Variants in PSMD10 observed in about 807,000 individuals in gnomAD.
PSMD10 encodes proteasome 26S subunit, non-ATPase 10, also known as 26S proteasome non-ATPase regulatory subunit 10.
Under a neutral mutation model 13.2 loss-of-function variants are expected in PSMD10, and 2 were observed. The ratio of observed to expected loss-of-function variants is 0.15; its 90% CI spans 0.06 to 0.48. The LOEUF (loss-of-function observed/expected upper bound fraction) is 0.48. Among genes scored for constraint, PSMD10 ranks in the 20% least tolerant of loss-of-function variants. The pLI is 0.97. For missense variants in PSMD10, 120 were observed against 167.4 expected, an observed-to-expected ratio of 0.72 and a Z score of 1.56; for synonymous variants, 66 against 64.4, an observed-to-expected ratio of 1.03 and a Z score of -0.12.
chrX:108,085,928 G>A (rs765800171), intron 4 of PSMD10, among the ~76,000 whole-genome samples: 3 of 111,487 alleles, frequency 2.7e-5, no homozygotes, highest in South Asian at 3.8e-4. Flanking sequence ...TCCTATGTTC[G>A]TCCCAGTACT....
At chrX:108,087,072 C>T (rs1381360959) in intron 4 of PSMD10, 1 of 111,520 alleles carries the variant, frequency 9.0e-6, no homozygotes, top group East Asian at 2.8e-4. Context: ...ACTACAGGTG[C>T]ATGCCACCAT....
intron 4 of PSMD10, among the ~76,000 whole-genome samples, chrX:108,085,732 A>G (rs1397818460): frequency 8.9e-6 from 1 of 111,969 alleles, no homozygotes; most frequent in Admixed American, 9.5e-5. Context: ...GGCACTTTAC[A>G]TGTTGCTTTA....
At position 108,084,994 on chromosome X, in the gene PSMD10, TG is replaced by T. The variant is rs1256742852; in HGVS notation, c.660del (p.Lys221ArgfsTer37). 1 of 1,202,896 alleles carries T rather than the reference TG, an allele frequency of 8.3e-7. No individual in the cohort carries two copies. Among genetic ancestry groups the T allele is most frequent in the African/African-American group, 1.8e-5 (1 of 56,823 alleles). On this transcript the variant is annotated frameshift_variant, in exon 5 of 5. Coordinates refer to ENST00000217958, the MANE Select transcript of PSMD10 (RefSeq NM_002814.4). LOFTEE classifies it high-confidence loss of function. ...GCTGTTTAACCTTCCACCATTCTCT[TG>T]AGTATTAAACCCAGGCCACCTTTGG... ...QVAKGGLGLI[L>X]KRMVEG
In PSMD10 at chrX:108,088,114, G is replaced by T; in HGVS notation, c.214-15C>A. Reference sequence around the variant, plus strand: ...GACCAACCTGCCTATAAAAGAAGTAGGTAGTAGAAATACCAGGGGAAAAAG... The same window carrying T: ...GACCAACCTGCCTATAAAAGAAGTATGTAGTAGAAATACCAGGGGAAAAAG... On this transcript the variant is annotated splice_polypyrimidine_tract_variant and intron_variant, in intron 2 of 4. Coordinates refer to ENST00000217958, the MANE Select transcript of PSMD10 (RefSeq NM_002814.4). 1 of 1,185,754 alleles carries T rather than the reference G, an allele frequency of 8.4e-7. No homozygotes were observed.
chrX:108,091,526 T>C lies in PSMD10; in HGVS notation c.-6A>G, dbSNP rs377152386. On this transcript the variant is annotated 5_prime_UTR_variant, in exon 1 of 5. Transcript: ENST00000217958. ...TTAGACACACACCCCTCCATTTCGC[T>C]GTCCCAGCAACTACTTGTCGCGCGA... 5.0e-6 allele frequency: 6 copies of C among 1,205,522 alleles called. No homozygotes were observed. In the African/African-American group the frequency reaches 1.0e-4, roughly 21 times the overall value.
At chrX:108,089,137 TTG>T (rs1182984597) in intron 1 of PSMD10, among the ~76,000 whole-genome samples, 1 of 112,661 alleles carries the variant, frequency 8.9e-6, no homozygotes. Flanking sequence ...ACATCTTTGG[TTG>T]TTTTACTATT....
chrX:108,091,326 C>T, intron 1 of PSMD10, 81 bp downstream of exon 1: 1 of 923,491 alleles, frequency 1.1e-6, no homozygotes, highest in Non-Finnish European at 1.6e-6. Flanking sequence ...AGAAACGGGG[C>T]CTCCGCTAGG....
intron 4 of PSMD10, among the ~76,000 whole-genome samples, chrX:108,086,430 G>A (rs1264755841): frequency 5.4e-5 from 6 of 112,078 alleles, no homozygotes; most frequent in Non-Finnish European, 7.5e-5. Flanking sequence ...GCTTGACTAC[G>A]TAGAAATTTT....
At chrX:108,085,217 G>T in intron 4 of PSMD10, 90 bp from the exon 5 acceptor site, 1 of 862,002 alleles carries the variant, frequency 1.2e-6, no homozygotes. Flanking sequence ...AAGTGCATAT[G>T]ATTAAGAAAT....
In PSMD10 at chrX:108,091,541, T is replaced by C. The variant is rs769613424; in HGVS notation, c.-21A>G. 1 of 1,194,077 alleles carries C rather than the reference T, an allele frequency of 8.4e-7. No homozygotes were observed. Among genetic ancestry groups the C allele is most frequent in the Non-Finnish European group, 1.1e-6 (1 of 878,917 alleles). Reference sequence around the variant, plus strand: ...TCCATTTCGCTGTCCCAGCAACTACTTGTCGCGCGAGCAACGCCCGCCTCA... The same window carrying C: ...TCCATTTCGCTGTCCCAGCAACTACCTGTCGCGCGAGCAACGCCCGCCTCA... On this transcript the variant is annotated 5_prime_UTR_variant, in exon 1 of 5. Transcript: ENST00000217958.
Position 108,086,742 on chromosome X carries a change from G to C in PSMD10, c.527+944C>G, listed in dbSNP as rs148129783. 5.0e-3 allele frequency among the ~76,000 whole-genome samples: 556 copies of C among 111,830 alleles called. 4 individuals carry two copies. The highest frequency in any genetic ancestry group is 0.017 in the African/African-American group (521 of 30,732). ...ATAACAAAAGGATAATTTAGTGTTG[G>C]TGAGGGGGTAATAGGCACTCTTACA... On this transcript the variant is annotated intron_variant, in intron 4 of 4. Coordinates refer to ENST00000217958, the MANE Select transcript of PSMD10 (RefSeq NM_002814.4).
At chrX:108,086,815 G>C (rs1288058306) in intron 4 of PSMD10, among the ~76,000 whole-genome samples, 2 of 112,002 alleles carry the variant, frequency 1.8e-5, no homozygotes, top group East Asian at 5.6e-4. Flanking sequence ...AAGCAATTTG[G>C]CAACATATAG....
chrX:108,085,214 T>C (rs1325090940), intron 4 of PSMD10, 87 bp from the exon 5 acceptor site: 9 of 880,946 alleles, frequency 1.0e-5, no homozygotes, highest in Non-Finnish European at 1.4e-5. Flanking sequence ...CTGAAGTGCA[T>C]ATGATTAAGA....
At position 108,084,745 on chromosome X, in the gene PSMD10, A is replaced by G; in HGVS notation, c.*229T>C. The G allele has an allele frequency of 3.2e-6, 1 of 312,521 alleles. No individual in the cohort carries two copies. Among genetic ancestry groups the G allele is most frequent in the East Asian group, 5.4e-5 (1 of 18,517 alleles). The allele number at this position is 312,521 out of a possible 1,213,427, so 25.8% of individuals were successfully genotyped here. On this transcript the variant is annotated 3_prime_UTR_variant, in exon 5 of 5. Coordinates refer to ENST00000217958, the MANE Select transcript of PSMD10 (RefSeq NM_002814.4). ...CAAATTAACCAGAATTCAATATAGA[A>G]GAATATACGACAACAGTAGAACAAT...
chrX:108,088,701 A>G (rs1184732758), intron 2 of PSMD10, 51 bp downstream of exon 2: 1 of 1,002,924 alleles, frequency 1.0e-6, no homozygotes, highest in South Asian at 2.1e-5. Context: ...ACCAGTCTGG[A>G]GTACAAAGAT....
chrX:108,091,228 T>C lies in PSMD10; in HGVS notation c.114+179A>G, dbSNP rs189042038. Among the ~76,000 whole-genome samples the C allele has an allele frequency of 2.3e-4, 26 of 113,343 alleles. No individual in the cohort carries two copies. In the East Asian group the frequency reaches 5.6e-3, roughly 24 times the overall value. ...CCAACGGGAAAATATCTGAGGTCTG[T>C]GGGGCTAGCTCCCGCAGGCCTATCG... On this transcript the variant is annotated intron_variant, in intron 1 of 4. Coordinates refer to ENST00000217958, the MANE Select transcript of PSMD10 (RefSeq NM_002814.4).
chrX:108,085,425 C>T (rs1191553884), intron 4 of PSMD10, among the ~76,000 whole-genome samples: 1 of 112,294 alleles, frequency 8.9e-6, no homozygotes, highest in Non-Finnish European at 1.9e-5. Context: ...TAGTTGTTTA[C>T]CTCAAACACT....
At chrX:108,088,356 T>C (rs1302021845) in intron 2 of PSMD10, 3 of 353,960 alleles carry the variant, frequency 8.5e-6, no homozygotes, top group Admixed American at 5.3e-5. Context: ...TCCAACATAA[T>C]AGAAAGAGTT....
intron 4 of PSMD10, 153 bp downstream of exon 4, chrX:108,087,533 C>T: frequency 3.8e-6 from 3 of 783,009 alleles, no homozygotes; most frequent in Non-Finnish European, 3.5e-6. Context: ...AGATAATAGG[C>T]AATTTTTATC....
Sources: allele counts gnomAD v4.1 joint callset (sites outside exome capture counted in the v4.1 genomes callset), GRCh38; gene constraint gnomAD v4.1.1; transcripts MANE v1.5; gene names NCBI Gene and HGNC (gene_info 2026-07-23, HGNC 2026-07-21).